The following TENM3 variants were observed in gnomAD, a reference collection of about 807,000 sequenced individuals.
The protein encoded by TENM3 is teneurin-3.
Under a neutral mutation model 255.1 loss-of-function variants are expected in TENM3, and 63 were observed. That is an observed-to-expected ratio of 0.25 (90% CI 0.20 to 0.30). The LOEUF (loss-of-function observed/expected upper bound fraction) is 0.30, where lower values mean the gene tolerates loss of function less well. Among genes scored for constraint, TENM3 ranks in the 10% least tolerant of loss-of-function variants. The pLI is 1.00. For missense variants in TENM3, 2,929 were observed against 3,461.1 expected, an observed-to-expected ratio of 0.85 and a Z score of 3.86; for synonymous variants, 1,306 against 1,322.3, an observed-to-expected ratio of 0.99 and a Z score of 0.27.
At chr4:181,455,737 A>C in the TENM3 span, among the ~76,000 whole-genome samples, 9 of 152,156 alleles carry the variant, frequency 5.9e-5, no homozygotes, top group East Asian at 1.3e-3. Context: ...TATATATATT[A>C]ATGGCATTTA....
the TENM3 span, among the ~76,000 whole-genome samples, chr4:181,831,139 G>A: frequency 6.6e-6 from 1 of 151,918 alleles, no homozygotes; most frequent in African/African-American, 2.4e-5. Context: ...TTTGTATATT[G>A]TTTAAAAATA....
the TENM3 span, among the ~76,000 whole-genome samples, chr4:181,579,642 G>C: frequency 9.4e-3 from 1,427 of 152,184 alleles, 24 homozygotes; most frequent in African/African-American, 0.033. Context: ...TCTCCAAATC[G>C]TCACAGTAAC....
the TENM3 span, among the ~76,000 whole-genome samples, chr4:182,100,680 C>T: frequency 7.3e-3 from 201 of 27,600 alleles, 6 homozygotes; most frequent in East Asian, 0.042. Context: ...CATATATATA[C>T]ACACATATAT....
intron 2 of TENM3, among the ~76,000 whole-genome samples, chr4:182,346,090 TACA>T: frequency 6.6e-6 from 1 of 151,852 alleles, no homozygotes; most frequent in African/African-American, 2.4e-5. Flanking sequence ...CATACATACA[TACA>T]TACATACATA....
chr4:182,540,527 C>T (rs1279337123), intron 3 of TENM3, among the ~76,000 whole-genome samples: 3 of 151,862 alleles, frequency 2.0e-5, no homozygotes, highest in African/African-American at 2.4e-5. Flanking sequence ...GCGGAGGTTA[C>T]GGTGAGCCGA....
In TENM3 at chr4:182,608,168, T is replaced by C. The variant is rs1052258831; in HGVS notation, c.749+7007T>C. 2.6e-5 allele frequency among the ~76,000 whole-genome samples: 4 copies of C among 152,368 alleles called. No homozygotes were observed. The East Asian group carries it at 5.8e-4, about 22-fold the overall frequency. ...TACATAAGTATGCATACATATTTTATGTCTACTTGACATCCTTGCTACCTG... is the reference window on the plus strand; with the variant it reads ...TACATAAGTATGCATACATATTTTACGTCTACTTGACATCCTTGCTACCTG... On this transcript the variant is annotated intron_variant, in intron 4 of 27. Coordinates refer to ENST00000511685, the MANE Select transcript of TENM3 (RefSeq NM_001080477.4).
At chr4:182,264,633 A>C (rs559724556) in intron 1 of TENM3, among the ~76,000 whole-genome samples, 1 of 152,306 alleles carries the variant, frequency 6.6e-6, no homozygotes, top group Middle Eastern at 3.4e-3. Flanking sequence ...CCTAGAAAGT[A>C]AGTCATTTCT....
the TENM3 span, among the ~76,000 whole-genome samples, chr4:181,714,053 A>G: frequency 6.6e-6 from 1 of 152,158 alleles, no homozygotes; most frequent in Non-Finnish European, 1.5e-5. Context: ...CCCTTTTTAC[A>G]CAGAGCATCC....
the TENM3 span, among the ~76,000 whole-genome samples, chr4:181,833,129 T>C: frequency 1.3e-5 from 2 of 152,188 alleles, no homozygotes; most frequent in Non-Finnish European, 2.9e-5. Context: ...GGAAATCTTA[T>C]ACCAATATTC....
chr4:182,709,139 C>T (rs919913395), intron 12 of TENM3, among the ~76,000 whole-genome samples: 6 of 152,018 alleles, frequency 3.9e-5, no homozygotes, highest in Non-Finnish European at 2.9e-5. Context: ...CGCACCACCA[C>T]ACCCCGCTAA....
At chr4:182,686,904 CA>C (rs1412184916) in intron 11 of TENM3, among the ~76,000 whole-genome samples, 2 of 152,066 alleles carry the variant, frequency 1.3e-5, no homozygotes, top group East Asian at 3.9e-4. Flanking sequence ...ATCTCTTAAT[CA>C]AAAGTTTAAT....
intron 1 of TENM3, among the ~76,000 whole-genome samples, chr4:182,307,789 A>G (rs1295352509): frequency 6.6e-6 from 1 of 152,242 alleles, no homozygotes; most frequent in Admixed American, 6.5e-5. Flanking sequence ...AATAGCCACA[A>G]TTTACTAGCT....
At chr4:181,867,122 C>G in the TENM3 span, among the ~76,000 whole-genome samples, 1 of 152,164 alleles carries the variant, frequency 6.6e-6, no homozygotes, top group Admixed American at 6.6e-5. Flanking sequence ...GAGGCCTGGA[C>G]TCGTAGCTTT....
the TENM3 span, among the ~76,000 whole-genome samples, chr4:181,653,606 G>A: frequency 2.6e-5 from 4 of 151,684 alleles, no homozygotes; most frequent in South Asian, 2.1e-4. Flanking sequence ...TTACCGTGTT[G>A]GCCAGGATGC....
At chr4:181,765,392 C>T in the TENM3 span, among the ~76,000 whole-genome samples, 2 of 152,056 alleles carry the variant, frequency 1.3e-5, no homozygotes, top group Admixed American at 6.6e-5. Context: ...CTTTCTTGCT[C>T]ATTTGAAAAG....
intron 13 of TENM3, among the ~76,000 whole-genome samples, chr4:182,716,641 T>G (rs972866843): frequency 2.0e-5 from 3 of 152,218 alleles, no homozygotes; most frequent in Non-Finnish European, 4.4e-5. Context: ...AAGCTACATG[T>G]ATAAAGATGG....
intron 1 of TENM3, among the ~76,000 whole-genome samples, chr4:182,168,368 C>T (rs1751862759): frequency 1.3e-5 from 2 of 152,144 alleles, no homozygotes; most frequent in African/African-American, 2.4e-5. Context: ...CACCTGGGCT[C>T]AAGCAATCCT....
the TENM3 span, among the ~76,000 whole-genome samples, chr4:181,530,239 TAATA>T: frequency 1.3e-5 from 2 of 152,184 alleles, no homozygotes; most frequent in African/African-American, 4.8e-5. Context: ...ACATACAGGG[TAATA>T]AATAAGATGA....
intron 3 of TENM3, among the ~76,000 whole-genome samples, chr4:182,484,983 A>G (rs929079134): frequency 1.2e-4 from 18 of 152,188 alleles, no homozygotes; most frequent in Non-Finnish European, 2.6e-4. Context: ...TAACTTAGAA[A>G]GATACATAGT....
Sources: gnomAD v4.1 joint callset for allele counts (sites outside exome capture counted in the v4.1 genomes callset) on GRCh38, gnomAD v4.1.1 for gene constraint, MANE v1.5 for transcripts, NCBI Gene and HGNC (gene_info 2026-07-23, HGNC 2026-07-21) for gene names.